NOL4: variants seen among roughly 807,000 people sequenced by gnomAD.
NOL4 encodes nucleolar protein 4.
A neutral mutation model predicts 75.9 loss-of-function variants in NOL4; 17 were observed. That is an observed-to-expected ratio of 0.22 (90% CI 0.15 to 0.34). NOL4 has a LOEUF of 0.34. Among genes scored for constraint, NOL4 ranks in the 10% least tolerant of loss-of-function variants. The pLI is 1.00. For synonymous variants in NOL4, 292 were observed against 289.9 expected (o/e 1.01, Z -0.07); for missense variants, 614 against 793.5 (o/e 0.77, Z 2.72).
At chr18:34,189,131 G>A (rs1378997115) in intron 1 of NOL4, among the ~76,000 whole-genome samples, 1 of 152,276 alleles carries the variant, frequency 6.6e-6, no homozygotes, top group East Asian at 1.9e-4. Flanking sequence ...CCAAGATCAG[G>A]TGGCTGCATC....
intron 10 of NOL4, among the ~76,000 whole-genome samples, chr18:33,868,744 T>C (rs1303754488): frequency 6.6e-6 from 1 of 150,736 alleles, no homozygotes; most frequent in African/African-American, 2.4e-5. Flanking sequence ...CTTTAAAAAC[T>C]TGGGACAATG....
chr18:33,875,405 C>T (rs2063887754), intron 10 of NOL4, among the ~76,000 whole-genome samples: 1 of 152,024 alleles, frequency 6.6e-6, no homozygotes, highest in Non-Finnish European at 1.5e-5. Flanking sequence ...GGTGCAGCCC[C>T]TTGCCAGCTC....
At chr18:34,032,211 C>T (rs1233352913) in intron 5 of NOL4, among the ~76,000 whole-genome samples, 1 of 152,192 alleles carries the variant, frequency 6.6e-6, no homozygotes, top group Non-Finnish European at 1.5e-5. Flanking sequence ...TGCACATTCC[C>T]CAGCCACCAG....
chr18:34,048,883 T>C (rs930098463), intron 5 of NOL4, among the ~76,000 whole-genome samples: 8 of 152,130 alleles, frequency 5.3e-5, no homozygotes, highest in Non-Finnish European at 1.0e-4. Context: ...TTTAATAATT[T>C]TCCAGTTTAA....
At chr18:34,069,786 ATC>A (rs748965627) in intron 5 of NOL4, among the ~76,000 whole-genome samples, 1 of 152,206 alleles carries the variant, frequency 6.6e-6, no homozygotes, top group East Asian at 1.9e-4. Context: ...TCAGACCACT[ATC>A]TCTAGCAACC....
intron 2 of NOL4, among the ~76,000 whole-genome samples, chr18:34,124,620 C>G (rs2080298764): frequency 6.6e-6 from 1 of 152,012 alleles, no homozygotes; most frequent in Non-Finnish European, 1.5e-5. Flanking sequence ...ATATAAGAAT[C>G]AAGGCTTGAT....
chr18:34,179,635 G>T (rs1451537504), intron 1 of NOL4, among the ~76,000 whole-genome samples: 1 of 151,406 alleles, frequency 6.6e-6, no homozygotes, highest in East Asian at 1.9e-4. Flanking sequence ...TTCATAGAAA[G>T]ACCCCAACTA....
intron 1 of NOL4, among the ~76,000 whole-genome samples, chr18:34,131,920 T>C (rs758183134): frequency 6.6e-6 from 1 of 152,194 alleles, no homozygotes; most frequent in Non-Finnish European, 1.5e-5. Context: ...GGGTAGTATA[T>C]TAATTTCTTA....
At chr18:33,946,442 G>A (rs1052473774) in intron 8 of NOL4, among the ~76,000 whole-genome samples, 1 of 151,672 alleles carries the variant, frequency 6.6e-6, no homozygotes, top group African/African-American at 2.4e-5. Flanking sequence ...CAAGTTCTGA[G>A]AGATTATGCA....
intron 1 of NOL4, among the ~76,000 whole-genome samples, chr18:34,137,365 G>C (rs913945765): frequency 3.3e-5 from 5 of 152,106 alleles, no homozygotes; most frequent in Non-Finnish European, 7.4e-5. Context: ...ATACAAATGG[G>C]AGAAAATATT....
intron 1 of NOL4, among the ~76,000 whole-genome samples, chr18:34,151,520 T>A (rs2081636397): frequency 6.6e-6 from 1 of 151,768 alleles, no homozygotes; most frequent in Admixed American, 6.6e-5. Context: ...AAGGAGACAG[T>A]AAAAAGATCA....
At chr18:34,052,570 A>C (rs571197709) in intron 5 of NOL4, among the ~76,000 whole-genome samples, 12 of 152,182 alleles carry the variant, frequency 7.9e-5, no homozygotes, top group South Asian at 6.2e-4. Flanking sequence ...CTATTCCCAC[A>C]CTTTTAAATT....
chr18:34,061,742 T>A (rs2077071270), intron 5 of NOL4, among the ~76,000 whole-genome samples: 1 of 152,170 alleles, frequency 6.6e-6, no homozygotes, highest in Admixed American at 6.5e-5. Context: ...CAGTTTATTA[T>A]AATATTTACT....
At chr18:33,999,562 G>A (rs986171858) in intron 6 of NOL4, among the ~76,000 whole-genome samples, 10 of 151,972 alleles carry the variant, frequency 6.6e-5, no homozygotes, top group African/African-American at 2.4e-4. Flanking sequence ...GCTGGGACCA[G>A]ATGTTTCAGA....
At chr18:33,879,250 C>T (rs913675293) in intron 10 of NOL4, among the ~76,000 whole-genome samples, 18 of 152,052 alleles carry the variant, frequency 1.2e-4, no homozygotes, top group African/African-American at 3.6e-4. Context: ...TCCCCACTGC[C>T]ACATCTACAT....
intron 9 of NOL4, among the ~76,000 whole-genome samples, chr18:33,901,398 A>G (rs2065742424): frequency 6.6e-6 from 1 of 152,176 alleles, no homozygotes; most frequent in South Asian, 2.1e-4. Flanking sequence ...AAATAAATTT[A>G]AATGATGACT....
At chr18:33,970,724 T>C (rs1030160401) in intron 6 of NOL4, among the ~76,000 whole-genome samples, 3 of 150,792 alleles carry the variant, frequency 2.0e-5, no homozygotes, top group African/African-American at 7.4e-5. Context: ...CTTCAAGCTA[T>C]TTGTGTGTGT....
At chr18:34,144,489 G>GA (rs1451517711) in intron 1 of NOL4, among the ~76,000 whole-genome samples, 3 of 152,048 alleles carry the variant, frequency 2.0e-5, no homozygotes, top group Admixed American at 6.6e-5. Context: ...AGCTACTACT[G>GA]AAAAAACTTT....
At chr18:34,003,354 C>T (rs940590575) in intron 6 of NOL4, among the ~76,000 whole-genome samples, 11 of 152,046 alleles carry the variant, frequency 7.2e-5, no homozygotes, top group African/African-American at 2.7e-4. Context: ...TTTTTGCATC[C>T]TCAGTGGCTG....
Sources: gnomAD v4.1 joint callset for allele counts (sites outside exome capture counted in the v4.1 genomes callset) on GRCh38, gnomAD v4.1.1 for gene constraint, MANE v1.5 for transcripts, NCBI Gene and HGNC (gene_info 2026-07-23, HGNC 2026-07-21) for gene names.